Variants in DGLUCY observed in about 807,000 individuals in gnomAD.
The protein encoded by DGLUCY is D-glutamate cyclase, also known as D-glutamate cyclase, mitochondrial.
Under a neutral mutation model 58.5 loss-of-function variants are expected in DGLUCY, and 58 were observed. That is an observed-to-expected ratio of 0.99 (90% CI 0.80 to 1.23). The LOEUF is 1.23. Ranked by LOEUF, DGLUCY falls within the 50% of genes most tolerant of loss-of-function variation. The pLI is 0.00. For missense variants in DGLUCY, 779 were observed against 784.7 expected (o/e 0.99, Z 0.09); for synonymous variants, 325 against 314.1 (o/e 1.03, Z -0.37).
At chr14:91,073,814 G>GTTC (rs1316658027) in intron 1 of DGLUCY, among the ~76,000 whole-genome samples, 2 of 152,070 alleles carry the variant, frequency 1.3e-5, no homozygotes, top group Non-Finnish European at 2.9e-5. Context: ...GAACCCAGGA[G>GTTC]TTCGAGGCTG....
chr14:91,175,924 C>T lies in DGLUCY; in HGVS notation c.608-10C>T, dbSNP rs373892481. 49 of 1,613,378 alleles carry T rather than the reference C, an allele frequency of 3.0e-5. No individual in the cohort carries two copies. Among genetic ancestry groups the T allele is most frequent in the Admixed American group, 2.2e-4 (13 of 59,972 alleles). ...GCTGAGGAAATTACATTTTCCTTTT[C>T]CATCTGCAGAACTGTTGGGAATCAA... is the stretch of plus-strand genomic sequence containing the variant. On this transcript the variant is annotated splice_polypyrimidine_tract_variant and intron_variant, in intron 6 of 13. Transcript: ENST00000256324.
intron 1 of DGLUCY, among the ~76,000 whole-genome samples, chr14:91,074,116 TATACACACACACACAC>T (rs1219617571): frequency 2.2e-4 from 17 of 77,484 alleles, no homozygotes; most frequent in Admixed American, 8.5e-4. Context: ...TATATATATA[TATACACACACACACAC>T]ACACACACAC....
upstream of DGLUCY, among the ~76,000 whole-genome samples, chr14:91,105,528 A>G (rs2044573381): frequency 6.6e-6 from 1 of 152,188 alleles, no homozygotes; most frequent in African/African-American, 2.4e-5. Flanking sequence ...TTTCTGCTCC[A>G]GAGAGCTTGC....
chr14:91,142,376 T>A (rs1368482600), intron 1 of DGLUCY, among the ~76,000 whole-genome samples: 1 of 152,124 alleles, frequency 6.6e-6, no homozygotes, highest in East Asian at 1.9e-4. Flanking sequence ...CTGTCACAAA[T>A]AGAAACTGCA....
chr14:91,104,441 A>T (rs1239233618), upstream of DGLUCY, among the ~76,000 whole-genome samples: 1 of 152,132 alleles, frequency 6.6e-6, no homozygotes, highest in African/African-American at 2.4e-5. Flanking sequence ...ATACTGCTGA[A>T]CATCTACAAT....
At chr14:91,073,517 T>C (rs1327912800) in intron 1 of DGLUCY, among the ~76,000 whole-genome samples, 1 of 152,218 alleles carries the variant, frequency 6.6e-6, no homozygotes, top group Non-Finnish European at 1.5e-5. Flanking sequence ...GTATTTTTAG[T>C]AGAGACAGGG....
intron 8 of DGLUCY, among the ~76,000 whole-genome samples, chr14:91,188,655 A>G (rs539467160): frequency 2.5e-4 from 38 of 152,162 alleles, no homozygotes; most frequent in Non-Finnish European, 1.5e-5. Context: ...GCAAGGTCCT[A>G]TCTTTTTAAA....
At chr14:91,182,921 ATTT>A (rs138705827) in intron 8 of DGLUCY, among the ~76,000 whole-genome samples, 1 of 140,934 alleles carries the variant, frequency 7.1e-6, no homozygotes, top group Non-Finnish European at 1.5e-5. Context: ...ATTTTATTTT[ATTT>A]TTTATTTTAT....
At position 91,199,954 on chromosome 14, in the gene DGLUCY, G is replaced by A. The variant is rs761828508; in HGVS notation, c.1444+49G>A. ...CACCAAGAACGTGGCCCCATGAAGT[G>A]TCTTTTGTTGTTGTTGTTGTTATGG... On this transcript the variant is annotated intron_variant, in intron 11 of 13. Transcript: ENST00000256324. 6 of 1,606,772 alleles carry A rather than the reference G, an allele frequency of 3.7e-6. No individual in the cohort carries two copies. The Admixed American group carries it at 5.0e-5, about 13-fold the overall frequency.
chr14:91,196,263 G>A (rs1235093559), intron 9 of DGLUCY, 112 bp from the exon 10 acceptor site: 4 of 759,526 alleles, frequency 5.3e-6, no homozygotes, highest in Non-Finnish European at 6.7e-6. Context: ...ACAGATAGAT[G>A]TTGTTCAACA....
intron 1 of DGLUCY, among the ~76,000 whole-genome samples, chr14:91,080,242 G>A (rs2044101069): frequency 1.3e-5 from 2 of 152,116 alleles, no homozygotes; most frequent in Admixed American, 6.6e-5. Context: ...GAATAATGTT[G>A]TGATAAACAC....
At chr14:91,165,445 C>T (rs192482011) in intron 3 of DGLUCY, 14 of 352,064 alleles carry the variant, frequency 4.0e-5, no homozygotes, top group African/African-American at 2.8e-4. Context: ...GGATTCAAGC[C>T]CAGGTGTGTT....
intron 1 of DGLUCY, among the ~76,000 whole-genome samples, chr14:91,134,453 T>G (rs969100428): frequency 2.0e-5 from 3 of 152,078 alleles, no homozygotes; most frequent in Non-Finnish European, 2.9e-5. Context: ...TTTTTTTTTT[T>G]CTGGGATAGA....
intron 1 of DGLUCY, among the ~76,000 whole-genome samples, chr14:91,072,790 G>A (rs952920421): frequency 6.6e-6 from 1 of 152,164 alleles, no homozygotes; most frequent in Non-Finnish European, 1.5e-5. Flanking sequence ...GGGAGGCCGA[G>A]GCGGGCAGAT....
chr14:91,149,034 G>A (rs2047163776), intron 1 of DGLUCY, among the ~76,000 whole-genome samples: 1 of 152,124 alleles, frequency 6.6e-6, no homozygotes, highest in Non-Finnish European at 1.5e-5. Context: ...GATCACCTGA[G>A]GTGGGGAGTT....
chr14:91,174,011 G>A (rs1207304017), intron 6 of DGLUCY, among the ~76,000 whole-genome samples: 1 of 152,116 alleles, frequency 6.6e-6, no homozygotes, highest in Non-Finnish European at 1.5e-5. Context: ...GGATTAGAGG[G>A]TTGGGACTTT....
chr14:91,185,271 ATTTTTTTTTTTTTTTTT>A (rs35639010), intron 8 of DGLUCY, among the ~76,000 whole-genome samples: 3 of 38,342 alleles, frequency 7.8e-5, no homozygotes, highest in African/African-American at 2.9e-4. Context: ...GCCCAGCCGG[ATTTTTTTTTTTTTTTTT>A]TTTTTTTTTT....
chr14:91,116,866 C>G (rs935827684), intron 1 of DGLUCY, among the ~76,000 whole-genome samples: 1 of 151,958 alleles, frequency 6.6e-6, no homozygotes, highest in Non-Finnish European at 1.5e-5. Flanking sequence ...ATTGCTTGAA[C>G]CCAGGAGGCA....
chr14:91,202,739 G>T (rs919018844), intron 11 of DGLUCY, among the ~76,000 whole-genome samples: 1 of 152,190 alleles, frequency 6.6e-6, no homozygotes, highest in Non-Finnish European at 1.5e-5. Flanking sequence ...TCCCACACCC[G>T]CAATGGGACC....
Sources: allele counts gnomAD v4.1 joint callset (sites outside exome capture counted in the v4.1 genomes callset), GRCh38; gene constraint gnomAD v4.1.1; transcripts MANE v1.5; gene names NCBI Gene and HGNC (gene_info 2026-07-23, HGNC 2026-07-21).